NLRP7: variants seen among roughly 807,000 people sequenced by gnomAD.
NLRP7 encodes the protein NLR family pyrin domain containing 7.
Under a neutral mutation model 85.5 loss-of-function variants are expected in NLRP7, and 72 were observed. The ratio of observed to expected loss-of-function variants is 0.84; its 90% confidence interval spans 0.70 to 1.02. NLRP7 has a LOEUF of 1.02. NLRP7 is among the 50% of genes least tolerant of loss of function. The probability of loss-of-function intolerance (pLI) is 0.00; values close to 1 mark genes in which losing one functional copy is unlikely to be tolerated. For synonymous variants in NLRP7, 550 were observed against 505.2 expected (o/e 1.09, Z -1.19); for missense variants, 1,243 against 1,219.5 (o/e 1.02, Z -0.29).
chr19:54,932,766 C>T (rs2068731638), intron 8 of NLRP7, among the ~76,000 whole-genome samples: 1 of 151,954 alleles, frequency 6.6e-6, no homozygotes, highest in African/African-American at 2.4e-5. Context: ...AGCGATTCTC[C>T]TACCTCAGCC....
chr19:54,960,376 G>C (rs529369200), intron 1 of NLRP7, among the ~76,000 whole-genome samples: 1 of 151,354 alleles, frequency 6.6e-6, no homozygotes, highest in African/African-American at 2.4e-5. Flanking sequence ...GGCTAGTCTC[G>C]AGCTCCTGAC....
chr19:54,934,010 T>A lies in NLRP7; in HGVS notation c.2472-271A>T, dbSNP rs2068785197. Among the ~76,000 whole-genome samples the A allele has an allele frequency of 1.3e-5, 2 of 152,184 alleles. No homozygotes were observed. The highest frequency in any genetic ancestry group is 2.4e-5 in the African/African-American group (1 of 41,458). On this transcript the variant is annotated intron_variant, in intron 7 of 9. Coordinates refer to ENST00000340844, the Ensembl canonical transcript of NLRP7. This position sits in a 1 kb window ranked among gnomAD's most constrained non-coding sequence, Gnocchi z 6.7. ...CAGGCTGGAGTGCAGTGGCGCGATC[T>A]CGGTTCACTGCCAATCGCCGCCTCC...
chr19:54,942,028 T>C (rs1248364894), intron 1 of NLRP7, among the ~76,000 whole-genome samples: 1 of 151,654 alleles, frequency 6.6e-6, no homozygotes, highest in African/African-American at 2.4e-5. Flanking sequence ...CCGAGGCGGA[T>C]GGATCACGAT....
chr19:54,934,050 T>C lies in NLRP7; in HGVS notation c.2472-311A>G, dbSNP rs2068788840. ...TCGCCGCCTCCCAGGTTTACACCATTCTGCTGACTCAGCCTCCTGAGTAGC... is the reference window on the plus strand; with the variant it reads ...TCGCCGCCTCCCAGGTTTACACCATCCTGCTGACTCAGCCTCCTGAGTAGC... On this transcript the variant is annotated intron_variant, in intron 7 of 9. Coordinates refer to ENST00000340844, the Ensembl canonical transcript of NLRP7. The surrounding 1 kb of genome is among the most constrained non-coding windows in gnomAD (Gnocchi z 6.7). Among the ~76,000 whole-genome samples the C allele has an allele frequency of 6.6e-6, 1 of 152,140 alleles. No homozygotes were observed. The highest frequency in any genetic ancestry group is 2.4e-5 in the African/African-American group (1 of 41,432).
chr19:54,936,252 G>A lies in NLRP7; in HGVS notation c.2300+9C>T. On this transcript the variant is annotated intron_variant, in intron 6 of 9. Coordinates refer to ENST00000340844, the Ensembl canonical transcript of NLRP7. ...AGGTGCTGGGGAGAGCCGTGACCGTGAGACCCACCTCAGGTACTGCAGGTT... is the reference window on the plus strand; with the variant it reads ...AGGTGCTGGGGAGAGCCGTGACCGTAAGACCCACCTCAGGTACTGCAGGTT... 3 of 1,611,868 alleles carry A rather than the reference G, an allele frequency of 1.9e-6. No homozygotes were observed. Among genetic ancestry groups the A allele is most frequent in the Non-Finnish European group, 2.5e-6 (3 of 1,179,246 alleles).
intron 1 of NLRP7, among the ~76,000 whole-genome samples, chr19:54,946,920 A>C (rs1329321109): frequency 1.3e-5 from 2 of 151,332 alleles, no homozygotes; most frequent in East Asian, 4.0e-4. Flanking sequence ...GATAACAGGC[A>C]TGAACCACTG....
At chr19:54,963,746 C>G (rs1035765011) in intron 1 of NLRP7, among the ~76,000 whole-genome samples, 3 of 150,038 alleles carry the variant, frequency 2.0e-5, no homozygotes, top group Non-Finnish European at 4.4e-5. Flanking sequence ...ATCGCTTGAA[C>G]TCTGGAGGCG....
intron 5 of NLRP7, among the ~76,000 whole-genome samples, 153 bp from the exon 6 acceptor site, chr19:54,936,584 G>A (rs2068939515): frequency 1.3e-5 from 2 of 152,174 alleles, no homozygotes; most frequent in African/African-American, 2.4e-5. Context: ...CACTTTGGGA[G>A]GCTGAGGCAG....
chr19:54,936,269 C>T, exon 6 of NLRP7: 1 of 1,613,150 alleles, frequency 6.2e-7, no homozygotes, highest in East Asian at 2.2e-5. Flanking sequence ...ACCTCAGGTA[C>T]TGCAGGTTGC....
chr19:54,954,067 G>T lies in NLRP7; in HGVS notation c.-76-6562C>A, dbSNP rs948263498. Among the ~76,000 whole-genome samples the T allele has an allele frequency of 4.1e-5, 6 of 147,778 alleles. 1 individual carries two copies. Among genetic ancestry groups the T allele is most frequent in the Admixed American group, 1.3e-4 (2 of 14,846 alleles). Reference sequence around the variant, plus strand: ...TCCAGTCAAACTCCATCAAAACCAAGATAGTGACGAGAGTAACCTCTGGTT... The same window carrying T: ...TCCAGTCAAACTCCATCAAAACCAATATAGTGACGAGAGTAACCTCTGGTT... On this transcript the variant is annotated intron_variant, in intron 1 of 2. Transcript: ENST00000587103.
At chr19:54,947,728 C>T (rs984689663), upstream of NLRP7, 1 of 1,072,336 alleles carries the variant, frequency 9.3e-7, no homozygotes, top group African/African-American at 1.6e-5. Flanking sequence ...TGCTGAATCT[C>T]CCCAGGTGAG....
intron 9 of NLRP7, among the ~76,000 whole-genome samples, chr19:54,930,230 G>T (rs1331008570): frequency 6.6e-6 from 1 of 151,994 alleles, no homozygotes; most frequent in Non-Finnish European, 1.5e-5. Flanking sequence ...ACATTGGGAG[G>T]CCGAGGTGGG....
intron 1 of NLRP7, among the ~76,000 whole-genome samples, chr19:54,960,673 G>A (rs981850940): frequency 7.2e-5 from 11 of 151,980 alleles, no homozygotes; most frequent in African/African-American, 2.7e-4. Flanking sequence ...GTGGCTCACT[G>A]CAAGCTCCGC....
intron 2 of NLRP7, 112 bp from the exon 3 acceptor site, chr19:54,941,117 A>C (rs1241456260): frequency 1.2e-6 from 1 of 852,746 alleles, no homozygotes; most frequent in Non-Finnish European, 2.0e-6. Flanking sequence ...TAATCACAGC[A>C]CTTTGGAAGG....
Position 54,952,627 on chromosome 19 carries a change from G to A in NLRP7, c.-76-5122C>T, listed in dbSNP as rs983000395. 2.0e-5 allele frequency among the ~76,000 whole-genome samples: 3 copies of A among 151,742 alleles called. No individual in the cohort carries two copies. The East Asian group carries it at 5.8e-4, about 29-fold the overall frequency. On this transcript the variant is annotated intron_variant, in intron 1 of 2. Transcript: ENST00000587103. ...AAAAAACCCTAGACCCAAACTTCTGGGGGAGATGGATTGGAGGTTTCCTCC... is the reference window on the plus strand; with the variant it reads ...AAAAAACCCTAGACCCAAACTTCTGAGGGAGATGGATTGGAGGTTTCCTCC...
chr19:54,949,618 T>G (rs1227716484), upstream of NLRP7, among the ~76,000 whole-genome samples: 7 of 152,076 alleles, frequency 4.6e-5, no homozygotes, highest in South Asian at 1.0e-3. Context: ...GGAAAGCCCC[T>G]AGATAACCCC....
At chr19:54,942,131 C>T (rs1197152142) in intron 1 of NLRP7, among the ~76,000 whole-genome samples, 1 of 151,906 alleles carries the variant, frequency 6.6e-6, no homozygotes, top group Non-Finnish European at 1.5e-5. Flanking sequence ...TGGCGGGCAC[C>T]TGTAGTCCCA....
At chr19:54,936,804 A>G (rs914901578) in intron 5 of NLRP7, among the ~76,000 whole-genome samples, 3 of 152,088 alleles carry the variant, frequency 2.0e-5, no homozygotes, top group Admixed American at 1.3e-4. Context: ...AGTCCCAGGT[A>G]TTCGGGAGGC....
intron 1 of NLRP7, 35 bp from the exon 2 acceptor site, chr19:54,941,785 A>G (rs1220541810): frequency 9.4e-6 from 14 of 1,488,862 alleles, no homozygotes; most frequent in South Asian, 1.3e-5. Flanking sequence ...TTCACGAGTT[A>G]CCATCATTAA....
Sources: allele counts gnomAD v4.1 joint callset (sites outside exome capture counted in the v4.1 genomes callset), GRCh38; gene constraint gnomAD v4.1.1; non-coding constraint Gnocchi (gnomAD v3.1); transcripts MANE v1.5; gene names NCBI Gene and HGNC (gene_info 2026-07-23, HGNC 2026-07-21).